Variants in LANCL1 observed in about 807,000 individuals in gnomAD.
LANCL1 encodes the protein LanC like glutathione S-transferase 1.
In LANCL1, 50 loss-of-function variants were observed where a neutral mutation model predicts 50.6. The ratio of observed to expected loss-of-function variants is 0.99; its 90% CI spans 0.79 to 1.25. The LOEUF is 1.25. Among genes scored for constraint, LANCL1 ranks in the 50% most tolerant of loss-of-function variants. The pLI is 0.00. For missense variants in LANCL1, 532 were observed against 480.7 expected, an observed-to-expected ratio of 1.11 and a Z score of -1.00; for synonymous variants, 188 against 178.6, an observed-to-expected ratio of 1.05 and a Z score of -0.42.
At chr2:210,476,504 T>C (rs1259981254) in intron 1 of LANCL1, 92 bp from the exon 2 acceptor site, 4 of 1,437,216 alleles carry the variant, frequency 2.8e-6, no homozygotes, top group Admixed American at 2.7e-5. Flanking sequence ...TCCCCCTTCC[T>C]CCAGCTCCAG....
At chr2:210,435,349 T>C in intron 9 of LANCL1, 38 bp downstream of exon 9, 4 of 1,490,510 alleles carry the variant, frequency 2.7e-6, no homozygotes, top group Non-Finnish European at 3.7e-6. Flanking sequence ...AAGTAGATGC[T>C]GATATTATAG....
chr2:210,473,063 C>A (rs1428907884), intron 2 of LANCL1, among the ~76,000 whole-genome samples: 2 of 152,098 alleles, frequency 1.3e-5, no homozygotes, highest in Admixed American at 6.5e-5. Flanking sequence ...CTTCTGCACA[C>A]ACTGAATCAG....
At chr2:210,464,946 C>G (rs1206424725) in intron 3 of LANCL1, among the ~76,000 whole-genome samples, 1 of 143,322 alleles carries the variant, frequency 7.0e-6, no homozygotes, top group Non-Finnish European at 1.5e-5. Flanking sequence ...GCAGTTCGGC[C>G]TGGGTGACAG....
chr2:210,470,248 A>C (rs1694186843), intron 3 of LANCL1, among the ~76,000 whole-genome samples: 1 of 152,232 alleles, frequency 6.6e-6, no homozygotes, highest in Non-Finnish European at 1.5e-5. Flanking sequence ...TTGAAACAAA[A>C]TCCTGTCATT....
rs928669748 is a variant in LANCL1, at chr2:210,476,683, T to C, written c.-80A>G. 1.7e-6 allele frequency: 2 copies of C among 1,208,566 alleles called. No homozygotes were observed. The highest frequency in any genetic ancestry group is 3.1e-5 in the African/African-American group (2 of 63,952). 74.9% of individuals were successfully genotyped at this position (1,208,566 alleles called of 1,614,324 possible). On this transcript the variant is annotated 5_prime_UTR_variant, in exon 1 of 10. Coordinates refer to ENST00000450366, the MANE Select transcript of LANCL1 (RefSeq NM_006055.3). ...GCCCGCGACTTGAAGCAAGTGCGCCTCCCGCGTCCTGAAGCCCTTCTCGGC... is the reference window on the plus strand; with the variant it reads ...GCCCGCGACTTGAAGCAAGTGCGCCCCCCGCGTCCTGAAGCCCTTCTCGGC...
intron 3 of LANCL1, among the ~76,000 whole-genome samples, chr2:210,471,261 G>A (rs554156170): frequency 1.3e-4 from 20 of 148,398 alleles, no homozygotes; most frequent in African/African-American, 4.9e-4. Context: ...TGGCCAGGAT[G>A]GTCTTGATCT....
In LANCL1 at chr2:210,455,318, A is replaced by G. The variant is rs1693637237; in HGVS notation, c.200-4T>C. 7.9e-7 allele frequency: 1 copy of G among 1,265,030 alleles called. No homozygotes were observed. Among genetic ancestry groups the G allele is most frequent in the African/African-American group, 3.5e-5 (1 of 28,424 alleles). 78.4% of individuals were successfully genotyped at this position (1,265,030 alleles called of 1,614,324 possible). On this transcript the variant is annotated splice_polypyrimidine_tract_variant and splice_region_variant and intron_variant, in intron 3 of 9. Transcript: ENST00000450366. ...TGTAAGTAAAGCACAGCAATACCTG[A>G]AAAAAAAAAAAGGAAACAATGTAAA...
chr2:210,445,205 C>T (rs1244757770), intron 4 of LANCL1, among the ~76,000 whole-genome samples: 4 of 152,082 alleles, frequency 2.6e-5, no homozygotes, highest in Non-Finnish European at 5.9e-5. Flanking sequence ...GGAAGTATTA[C>T]ACCGAATTAC....
Position 210,455,283 on chromosome 2 carries a change from A to T in LANCL1, c.231T>A (p.Asp77Glu). Residue 77 changes from aspartate to glutamate, a missense_variant, in exon 4 of 10, where the codon GAT (aspartate) becomes GAA (glutamate). By Grantham distance (45) the Asp-to-Glu change is conservative (BLOSUM62 2). Transcript: ENST00000450366. ...GIAVLYLHLYDVFGDPAYLQL... is the reference protein window; with the variant it reads ...GIAVLYLHLYEVFGDPAYLQL... ...GTAGGTAGGCAGGGTCCCCAAATAC[A>T]TCATAAAGATGTAAGTAAAGCACAG... 1.9e-6 allele frequency: 3 copies of T among 1,611,928 alleles called. No homozygotes were observed. The highest frequency in any genetic ancestry group is 2.5e-6 in the Non-Finnish European group (3 of 1,179,332).
At chr2:210,471,912 G>T in intron 3 of LANCL1, 47 bp downstream of exon 3, 1 of 1,313,854 alleles carries the variant, frequency 7.6e-7, no homozygotes, top group Non-Finnish European at 1.1e-6. Context: ...AAATGCTCTG[G>T]CTCTTAAGCA....
At chr2:210,457,334 G>A in intron 3 of LANCL1, among the ~76,000 whole-genome samples, 1 of 152,286 alleles carries the variant, frequency 6.6e-6, no homozygotes, top group African/African-American at 2.4e-5. Flanking sequence ...AATAGAATGT[G>A]TCCTAATGAC....
At chr2:210,435,012 AAAG>A (rs1168101674) in intron 9 of LANCL1, among the ~76,000 whole-genome samples, 1 of 152,186 alleles carries the variant, frequency 6.6e-6, no homozygotes, top group Non-Finnish European at 1.5e-5. Context: ...AAGACTGGAG[AAAG>A]AATGGAGCCA....
In LANCL1 at chr2:210,433,065, A is replaced by G. The variant is rs977848639; in HGVS notation, c.*1422T>C. On this transcript the variant is annotated 3_prime_UTR_variant, in exon 10 of 10. Coordinates refer to ENST00000450366, the MANE Select transcript of LANCL1 (RefSeq NM_006055.3). ...TTTGGTTTGAAGTTCCAATAAAAATAGCATGTTTTTGTGACCAAGAGAGCT... is the reference window on the plus strand; with the variant it reads ...TTTGGTTTGAAGTTCCAATAAAAATGGCATGTTTTTGTGACCAAGAGAGCT... 2 of 152,674 alleles carry G rather than the reference A, an allele frequency of 1.3e-5. No homozygotes were observed. The highest frequency in any genetic ancestry group is 4.8e-5 in the African/African-American group (2 of 41,466). 9.5% of individuals were successfully genotyped at this position (152,674 alleles called of 1,614,324 possible).
At chr2:210,470,597 G>C (rs1057496910) in intron 3 of LANCL1, among the ~76,000 whole-genome samples, 1 of 152,120 alleles carries the variant, frequency 6.6e-6, no homozygotes, top group Non-Finnish European at 1.5e-5. Flanking sequence ...CCCTTTGAGT[G>C]TCACATCAGA....
chr2:210,476,615 C>A lies in LANCL1; in HGVS notation c.-17+5G>T. ...GCGAAAAAGCTGCCAGGGCCCTTAA[C>A]CCACCCGGACAAAGAGGCCCCGTTT... On this transcript the variant is annotated splice_donor_5th_base_variant and intron_variant, in intron 1 of 9. Transcript: ENST00000450366. The A allele has an allele frequency of 7.5e-7, 1 of 1,337,784 alleles. No homozygotes were observed. 82.9% of individuals were successfully genotyped at this position (1,337,784 alleles called of 1,614,324 possible).
chr2:210,465,810 CGAG>C (rs1322007312), intron 3 of LANCL1, among the ~76,000 whole-genome samples: 26 of 152,094 alleles, frequency 1.7e-4, no homozygotes, highest in Admixed American at 1.7e-3. Context: ...GAAGAAAAAT[CGAG>C]GAGAAAGGCT....
intron 4 of LANCL1, among the ~76,000 whole-genome samples, chr2:210,452,327 C>T (rs1693534905): frequency 6.6e-6 from 1 of 151,824 alleles, no homozygotes; most frequent in Admixed American, 6.6e-5. Context: ...CTTCATCATT[C>T]TAAGTACTGG....
At chr2:210,475,811 A>C (rs552170051) in intron 2 of LANCL1, among the ~76,000 whole-genome samples, 2 of 152,180 alleles carry the variant, frequency 1.3e-5, no homozygotes, top group South Asian at 2.1e-4. Flanking sequence ...CCAGCTGTGG[A>C]TATGCCCTGT....
chr2:210,474,790 T>A (rs1445343897), intron 2 of LANCL1, among the ~76,000 whole-genome samples: 2 of 148,400 alleles, frequency 1.3e-5, no homozygotes, highest in African/African-American at 2.5e-5. Flanking sequence ...AGCATTTACT[T>A]TATAGGCAGT....
Sources: allele counts gnomAD v4.1 joint callset (sites outside exome capture counted in the v4.1 genomes callset), GRCh38; gene constraint gnomAD v4.1.1; transcripts MANE v1.5; gene names NCBI Gene and HGNC (gene_info 2026-07-23, HGNC 2026-07-21).